Variants in SLC15A1 observed in about 807,000 individuals in gnomAD.
SLC15A1 encodes the protein Caco-2 oligopeptide transporter.
In SLC15A1, 83 loss-of-function variants were observed where a neutral mutation model predicts 92.9. The ratio of observed to expected loss-of-function variants is 0.89; its 90% CI spans 0.75 to 1.07. The LOEUF (loss-of-function observed/expected upper bound fraction) is 1.07. SLC15A1 is among the 50% of genes least tolerant of loss of function. The pLI is 0.00. For synonymous variants in SLC15A1, 322 were observed against 318.2 expected (o/e 1.01, Z -0.13); for missense variants, 857 against 880.1 (o/e 0.97, Z 0.33).
intron 1 of SLC15A1, among the ~76,000 whole-genome samples, chr13:98,741,249 C>T (rs1213712528): frequency 6.6e-6 from 1 of 152,236 alleles, no homozygotes; most frequent in Non-Finnish European, 1.5e-5. Context: ...GGTCCTCCTG[C>T]TGGGACCGCC....
chr13:98,706,401 C>T (rs765756955), intron 15 of SLC15A1, 148 bp from the exon 16 acceptor site: 11 of 830,992 alleles, frequency 1.3e-5, no homozygotes, highest in Non-Finnish European at 2.1e-5. Context: ...CTGCCAATCA[C>T]AGACCTCGTG....
At chr13:98,701,705 C>G (rs1013635890) in intron 18 of SLC15A1, among the ~76,000 whole-genome samples, 7 of 139,942 alleles carry the variant, frequency 5.0e-5, no homozygotes, top group Admixed American at 3.9e-4. Context: ...GAGTCTTGCT[C>G]TGTGGGCTAG....
intron 18 of SLC15A1, among the ~76,000 whole-genome samples, chr13:98,696,071 C>T (rs1200216168): frequency 1.3e-5 from 2 of 151,312 alleles, no homozygotes; most frequent in South Asian, 2.1e-4. Context: ...TTGCTAATCT[C>T]GTGGGTCTGT....
chr13:98,708,236 G>A (rs1483610320), intron 15 of SLC15A1, among the ~76,000 whole-genome samples: 1 of 152,118 alleles, frequency 6.6e-6, no homozygotes, highest in Non-Finnish European at 1.5e-5. Context: ...ACCAGCATTA[G>A]TCTAGTTTAG....
chr13:98,717,738 T>A (rs1668317738), intron 8 of SLC15A1, among the ~76,000 whole-genome samples: 1 of 152,132 alleles, frequency 6.6e-6, no homozygotes, highest in Admixed American at 6.5e-5. Flanking sequence ...CAAAAGAGAT[T>A]GAAAACGGTC....
chr13:98,736,446 G>C (rs191687917), intron 1 of SLC15A1, among the ~76,000 whole-genome samples: 3 of 152,160 alleles, frequency 2.0e-5, no homozygotes, highest in Admixed American at 1.3e-4. Context: ...AACTTCACGA[G>C]TAAAACACCA....
rs145407875 is a variant in SLC15A1 at position 98,706,772 on chromosome 13, G to A, written c.1150-519C>T. The stretch of plus-strand genomic sequence containing the variant: ...TTTTCTTTGTAAATTACCCAGTCTT[G>A]GGTACGTCTTTATCAGCAGCATGAG... On this transcript the variant is annotated intron_variant, in intron 15 of 22. Transcript: ENST00000376503. Among the ~76,000 whole-genome samples, 3 of 152,168 alleles carry A rather than the reference G, an allele frequency of 2.0e-5. No individual in the cohort carries two copies. The East Asian group carries it at 5.8e-4, about 29-fold the overall frequency.
At chr13:98,698,050 T>C (rs2088037500) in intron 18 of SLC15A1, among the ~76,000 whole-genome samples, 1 of 152,034 alleles carries the variant, frequency 6.6e-6, no homozygotes, top group Admixed American at 6.6e-5. Context: ...CCAACTAGGT[T>C]ACGGGGAAAA....
intron 16 of SLC15A1, among the ~76,000 whole-genome samples, chr13:98,705,893 T>TAAAAAAAA (rs58621986): frequency 1.4e-5 from 2 of 142,942 alleles, no homozygotes; most frequent in African/African-American, 2.6e-5. Context: ...AGACTCCATC[T>TAAAAAAAA]AAAAAAAAAA....
intron 1 of SLC15A1, among the ~76,000 whole-genome samples, chr13:98,740,984 G>C (rs1194446349): frequency 1.3e-5 from 2 of 152,186 alleles, no homozygotes; most frequent in African/African-American, 4.8e-5. Flanking sequence ...CTCTTGTTGA[G>C]GCTGTTTCTT....
chr13:98,709,703 A>G, intron 13 of SLC15A1, 39 bp downstream of exon 13: 1 of 1,614,178 alleles, frequency 6.2e-7, no homozygotes, highest in Non-Finnish European at 8.5e-7. Flanking sequence ...TGTCTCAAAG[A>G]CGACTCTGAT....
intron 4 of SLC15A1, 69 bp downstream of exon 4, chr13:98,726,054 C>T: frequency 1.3e-6 from 2 of 1,566,308 alleles, no homozygotes; most frequent in Non-Finnish European, 1.7e-6. Context: ...CAGATTCCAC[C>T]ATTCCCAACT....
intron 4 of SLC15A1, 99 bp from the exon 5 acceptor site, chr13:98,724,130 G>C: frequency 7.0e-7 from 1 of 1,427,366 alleles, no homozygotes; most frequent in African/African-American, 1.4e-5. Flanking sequence ...GCTTTCAAGA[G>C]CCCAATCCTG....
intron 17 of SLC15A1, among the ~76,000 whole-genome samples, chr13:98,703,199 A>C (rs1256263264): frequency 6.7e-6 from 1 of 148,976 alleles, no homozygotes; most frequent in Admixed American, 6.7e-5. Flanking sequence ...GGAGGGAGGG[A>C]AGGAAGGAAA....
intron 1 of SLC15A1, among the ~76,000 whole-genome samples, chr13:98,747,039 C>A (rs1473891959): frequency 1.3e-5 from 2 of 152,276 alleles, no homozygotes; most frequent in South Asian, 2.1e-4. Flanking sequence ...CCCCCCCCAC[C>A]CCGGCTGACA....
intron 7 of SLC15A1, 55 bp from the exon 8 acceptor site, chr13:98,719,375 T>C: frequency 7.9e-7 from 1 of 1,268,846 alleles, no homozygotes; most frequent in Non-Finnish European, 1.2e-6. Context: ...GAGCATATAG[T>C]TCCCATTTGT....
chr13:98,717,963 C>T (rs540800571), intron 8 of SLC15A1, among the ~76,000 whole-genome samples: 4 of 152,042 alleles, frequency 2.6e-5, no homozygotes, highest in Non-Finnish European at 5.9e-5. Flanking sequence ...AAAGCCAATG[C>T]CAAGAACTAA....
chr13:98,752,450 G>T (rs1045599257), intron 1 of SLC15A1, 145 bp downstream of exon 1: 2 of 771,276 alleles, frequency 2.6e-6, no homozygotes, highest in Non-Finnish European at 3.5e-6. Context: ...CGGGCGCCCC[G>T]CAACCTCCCG....
At chr13:98,691,215 T>G (rs1251270699) in intron 18 of SLC15A1, among the ~76,000 whole-genome samples, 3 of 152,086 alleles carry the variant, frequency 2.0e-5, no homozygotes, top group African/African-American at 7.2e-5. Context: ...GGCTAATTTT[T>G]TGTATTTTTA....
Sources: gnomAD v4.1 joint callset for allele counts (sites outside exome capture counted in the v4.1 genomes callset) on GRCh38, gnomAD v4.1.1 for gene constraint, MANE v1.5 for transcripts, NCBI Gene and HGNC (gene_info 2026-07-23, HGNC 2026-07-21) for gene names.